MSI2: variants seen among roughly 807,000 people sequenced by gnomAD.
MSI2 encodes RNA-binding protein Musashi homolog 2.
Under a neutral mutation model 45.6 loss-of-function variants are expected in MSI2, and 17 were observed. The observed-to-expected ratio is 0.37, with a 90% CI of 0.26 to 0.56. MSI2 has a LOEUF of 0.56. Among genes scored for constraint, MSI2 ranks in the 20% least tolerant of loss-of-function variants. The probability of loss-of-function intolerance (pLI) is 0.77; values close to 1 mark genes in which losing one functional copy is unlikely to be tolerated. For missense variants in MSI2, 293 were observed against 444.2 expected, an observed-to-expected ratio of 0.66 and a Z score of 3.06; for synonymous variants, 156 against 158.2, an observed-to-expected ratio of 0.99 and a Z score of 0.11.
At chr17:57,576,151 G>C (rs1489091519) in intron 7 of MSI2, among the ~76,000 whole-genome samples, 4 of 152,150 alleles carry the variant, frequency 2.6e-5, no homozygotes, top group Non-Finnish European at 4.4e-5. Context: ...ATAATTATTT[G>C]CTGAACACTG....
chr17:57,297,701 A>T (rs987272260), intron 5 of MSI2, among the ~76,000 whole-genome samples: 1 of 152,238 alleles, frequency 6.6e-6, no homozygotes, highest in African/African-American at 2.4e-5. Flanking sequence ...AACTTCTTTC[A>T]AGATTGCAGT....
chr17:57,494,950 A>G (rs559726853), intron 6 of MSI2, among the ~76,000 whole-genome samples: 16 of 152,312 alleles, frequency 1.1e-4, no homozygotes, highest in African/African-American at 3.8e-4. Context: ...ACATTGCACA[A>G]TTAGAAAACG....
chr17:57,382,389 G>C (rs2083612828), intron 5 of MSI2, among the ~76,000 whole-genome samples: 1 of 152,184 alleles, frequency 6.6e-6, no homozygotes, highest in African/African-American at 2.4e-5. Context: ...AGGCCTAGTG[G>C]AGATGGTGAC....
At chr17:57,449,884 GGT>G (rs1489433386) in intron 6 of MSI2, 5 of 152,102 alleles carry the variant, frequency 3.3e-5, no homozygotes, top group Non-Finnish European at 7.3e-5. Context: ...AAATTAGCTG[GGT>G]GTGGTGGCAC....
chr17:57,590,764 T>C (rs1379398514), intron 7 of MSI2, among the ~76,000 whole-genome samples: 1 of 152,096 alleles, frequency 6.6e-6, no homozygotes, highest in Non-Finnish European at 1.5e-5. Context: ...CAGGTGCCAC[T>C]TTGCTGATGC....
intron 7 of MSI2, among the ~76,000 whole-genome samples, chr17:57,594,130 C>T (rs1166942579): frequency 1.3e-5 from 2 of 152,236 alleles, no homozygotes; most frequent in African/African-American, 2.4e-5. Context: ...GGCCCTGTTC[C>T]GTCCTGAGGA....
intron 6 of MSI2, among the ~76,000 whole-genome samples, chr17:57,461,699 T>C (rs2085233563): frequency 6.6e-6 from 1 of 151,970 alleles, no homozygotes; most frequent in Non-Finnish European, 1.5e-5. Flanking sequence ...CCACACCGGC[T>C]AATTTTTGTA....
the MSI2 span, among the ~76,000 whole-genome samples, chr17:57,696,110 C>A: frequency 8.5e-5 from 13 of 152,246 alleles, no homozygotes; most frequent in Admixed American, 2.0e-4. Flanking sequence ...CCTAACACCC[C>A]CCCAAAAAAG....
chr17:57,646,798 A>T (rs1910698641), intron 10 of MSI2, among the ~76,000 whole-genome samples: 1 of 152,104 alleles, frequency 6.6e-6, no homozygotes, highest in Non-Finnish European at 1.5e-5. Flanking sequence ...GAATTCCACC[A>T]TTAGTGCTTC....
intron 6 of MSI2, among the ~76,000 whole-genome samples, chr17:57,513,106 C>A (rs539457670): frequency 5.9e-5 from 9 of 151,454 alleles, no homozygotes; most frequent in African/African-American, 2.2e-4. Flanking sequence ...CCTGAGTAGC[C>A]GGAATTACAG....
intron 5 of MSI2, among the ~76,000 whole-genome samples, chr17:57,287,172 C>T (rs963744576): frequency 4.1e-5 from 6 of 147,908 alleles, no homozygotes; most frequent in Admixed American, 3.4e-4. Flanking sequence ...TATAATAGGA[C>T]CCTTTCTGAG....
At chr17:57,368,244 T>A (rs2083368802) in intron 5 of MSI2, among the ~76,000 whole-genome samples, 1 of 152,232 alleles carries the variant, frequency 6.6e-6, no homozygotes, top group Non-Finnish European at 1.5e-5. Context: ...TGTGTATTTC[T>A]GTGTTTAAAA....
chr17:57,327,513 T>A (rs946195906), intron 5 of MSI2, among the ~76,000 whole-genome samples: 5 of 152,206 alleles, frequency 3.3e-5, no homozygotes, highest in African/African-American at 1.2e-4. Flanking sequence ...GATTTGTGAA[T>A]TGGTGTCAGA....
chr17:57,450,369 G>GA (rs980897492), intron 6 of MSI2: 8 of 132,858 alleles, frequency 6.0e-5, no homozygotes, highest in Middle Eastern at 3.4e-3. Flanking sequence ...ACTTTCCTTA[G>GA]AAAAAAATTT....
Position 57,683,227 on chromosome 17 carries a change from A to G in MSI2, c.*3710A>G. ...GTGAATGTTACACACATCTTGCTAGACTAGTATAAAAATCATTGGGTAATT... is the reference window on the plus strand; with the variant it reads ...GTGAATGTTACACACATCTTGCTAGGCTAGTATAAAAATCATTGGGTAATT... On this transcript the variant is annotated 3_prime_UTR_variant, in exon 14 of 14. Transcript: ENST00000284073. This position sits in a 1 kb window ranked among gnomAD's most constrained non-coding sequence, Gnocchi z 5.2. 8.7e-6 allele frequency: 2 copies of G among 229,986 alleles called. No individual in the cohort carries two copies. Among genetic ancestry groups the G allele is most frequent in the Non-Finnish European group, 1.7e-5 (2 of 116,018 alleles). 14.2% of individuals were successfully genotyped at this position (229,986 alleles called of 1,614,324 possible).
chr17:57,663,124 G>A (rs73994136), intron 11 of MSI2, among the ~76,000 whole-genome samples: 11,430 of 152,188 alleles, frequency 0.075, 1,263 homozygotes, highest in African/African-American at 0.24. Flanking sequence ...AGGGCTGGGA[G>A]GGGATTGGCT....
chr17:57,397,432 T>C (rs957048356), intron 5 of MSI2, among the ~76,000 whole-genome samples: 1 of 152,186 alleles, frequency 6.6e-6, no homozygotes. Context: ...TGCATATACA[T>C]GTGTGTGCAC....
At chr17:57,523,915 A>AT (rs1453514020) in intron 6 of MSI2, among the ~76,000 whole-genome samples, 1 of 152,154 alleles carries the variant, frequency 6.6e-6, no homozygotes, top group Non-Finnish European at 1.5e-5. Flanking sequence ...TGAGTTACCT[A>AT]TGGCCACAAG....
At chr17:57,349,248 C>G (rs1462672791) in intron 5 of MSI2, among the ~76,000 whole-genome samples, 2 of 152,112 alleles carry the variant, frequency 1.3e-5, no homozygotes, top group African/African-American at 4.8e-5. Flanking sequence ...TCACTGCTGC[C>G]CGACTCCTGA....
Sources: gnomAD v4.1 joint callset for allele counts (sites outside exome capture counted in the v4.1 genomes callset) on GRCh38, gnomAD v4.1.1 for gene constraint, Gnocchi (gnomAD v3.1) non-coding constraint, MANE v1.5 for transcripts, NCBI Gene and HGNC (gene_info 2026-07-23, HGNC 2026-07-21) for gene names.